The following PID1 variants were observed in gnomAD, a reference collection of about 807,000 sequenced individuals.
PID1 encodes phosphotyrosine interaction domain containing 1.
PID1 carries 10 observed loss-of-function variants against 19.1 expected under a neutral mutation model. The ratio of observed to expected loss-of-function variants is 0.52; its 90% confidence interval spans 0.32 to 0.89. The LOEUF is 0.89. Among genes scored for constraint, PID1 ranks in the 40% least tolerant of loss-of-function variants. The pLI, the probability that PID1 is intolerant of heterozygous loss-of-function variation, is 0.03. For synonymous variants in PID1, 130 were observed against 116.0 expected (o/e 1.12, Z -0.78); for missense variants, 248 against 285.3 (o/e 0.87, Z 0.94).
intron 1 of PID1, among the ~76,000 whole-genome samples, chr2:229,171,679 T>C (rs1304631673): frequency 6.6e-6 from 1 of 152,236 alleles, no homozygotes; most frequent in Non-Finnish European, 1.5e-5. Flanking sequence ...GTCTGGCACA[T>C]AGTAGCTCCT....
chr2:229,146,025 A>G (rs1386104852), intron 2 of PID1, among the ~76,000 whole-genome samples: 1 of 152,192 alleles, frequency 6.6e-6, no homozygotes, highest in Non-Finnish European at 1.5e-5. Flanking sequence ...TTAAGAAAAA[A>G]TAAACATAAC....
chr2:229,111,287 G>T (rs1695294219), intron 2 of PID1, among the ~76,000 whole-genome samples: 1 of 152,174 alleles, frequency 6.6e-6, no homozygotes, highest in South Asian at 2.1e-4. Flanking sequence ...CACAGGCAGG[G>T]GCAGAGGCAT....
intron 1 of PID1, among the ~76,000 whole-genome samples, chr2:229,242,932 G>A (rs1297161883): frequency 6.6e-6 from 1 of 152,082 alleles, no homozygotes; most frequent in East Asian, 1.9e-4. Flanking sequence ...TCACAGCTCT[G>A]TGAAGATTCT....
intron 1 of PID1, among the ~76,000 whole-genome samples, chr2:229,240,598 T>C (rs562213535): frequency 6.6e-6 from 1 of 152,134 alleles, no homozygotes; most frequent in African/African-American, 2.4e-5. Context: ...TTGCTGTGTA[T>C]ATAATGGACT....
At chr2:229,140,397 C>T (rs1689987380) in intron 2 of PID1, among the ~76,000 whole-genome samples, 1 of 151,996 alleles carries the variant, frequency 6.6e-6, no homozygotes. Flanking sequence ...TCGCTCACTG[C>T]AGTGAAGTTA....
At chr2:229,180,639 G>T (rs976480176) in intron 1 of PID1, among the ~76,000 whole-genome samples, 1 of 152,134 alleles carries the variant, frequency 6.6e-6, no homozygotes, top group African/African-American at 2.4e-5. Context: ...GGGGTGGGTT[G>T]CCCCTCCAAT....
intron 2 of PID1, among the ~76,000 whole-genome samples, chr2:229,135,797 G>C (rs930052184): frequency 6.6e-6 from 1 of 152,156 alleles, no homozygotes; most frequent in African/African-American, 2.4e-5. Flanking sequence ...GTTTAAGAGG[G>C]GAGAAGAGCA....
intron 1 of PID1, among the ~76,000 whole-genome samples, chr2:229,179,250 G>A (rs1195827316): frequency 6.6e-6 from 1 of 152,000 alleles, no homozygotes; most frequent in Admixed American, 6.6e-5. Context: ...GCCAGTCCTC[G>A]CAGACAGAGC....
At chr2:229,060,230 G>C (rs1694184343) in intron 2 of PID1, among the ~76,000 whole-genome samples, 1 of 151,928 alleles carries the variant, frequency 6.6e-6, no homozygotes, top group African/African-American at 2.4e-5. Context: ...TATTCTTCCT[G>C]TCTAACTAAA....
intron 1 of PID1, among the ~76,000 whole-genome samples, chr2:229,171,589 C>T (rs929884547): frequency 2.0e-5 from 3 of 152,156 alleles, no homozygotes; most frequent in African/African-American, 7.2e-5. Context: ...TGCAATAATT[C>T]ATACTTTCAT....
chr2:229,119,640 C>T (rs1057204269), intron 2 of PID1, among the ~76,000 whole-genome samples: 1 of 152,146 alleles, frequency 6.6e-6, no homozygotes, highest in African/African-American at 2.4e-5. Flanking sequence ...AAATCAATGG[C>T]CTTACACTAA....
At position 229,226,656 on chromosome 2, in the gene PID1, C is replaced by T. The variant is rs189785322; in HGVS notation, c.30+44358G>A. On this transcript the variant is annotated intron_variant, in intron 1 of 2. Transcript: ENST00000392055. Reference sequence around the variant, plus strand: ...GAATGTTCACCAACACCCAAGTGTACGAGGAAATCAGAGCCTGGAAGGACT... The same window carrying T: ...GAATGTTCACCAACACCCAAGTGTATGAGGAAATCAGAGCCTGGAAGGACT... Among the ~76,000 whole-genome samples, 129 of 152,256 alleles carry T rather than the reference C, an allele frequency of 8.5e-4. 3 individuals are homozygous for T. In the South Asian group the frequency reaches 0.012, roughly 14 times the overall value.
At chr2:229,090,164 T>G (rs1694843283) in intron 2 of PID1, among the ~76,000 whole-genome samples, 1 of 152,148 alleles carries the variant, frequency 6.6e-6, no homozygotes, top group Admixed American at 6.5e-5. Flanking sequence ...CACCCACCAA[T>G]CAGAACACCT....
At chr2:229,260,816 C>CTTTTTTTTTTTTTTTTTTTTT (rs1319033110) in intron 1 of PID1, among the ~76,000 whole-genome samples, 1 of 121,188 alleles carries the variant, frequency 8.3e-6, no homozygotes, top group Admixed American at 9.4e-5. Context: ...TTCTGATTGC[C>CTTTTTTTTTTTTTTTTTTTTT]ATTTTTTTTT....
At chr2:229,113,246 G>A (rs901164860) in intron 2 of PID1, among the ~76,000 whole-genome samples, 1 of 151,652 alleles carries the variant, frequency 6.6e-6, no homozygotes, top group African/African-American at 2.4e-5. Flanking sequence ...AGATGTCAAG[G>A]GCACCTTGTA....
chr2:229,256,701 G>A lies in PID1; in HGVS notation c.30+14313C>T, dbSNP rs75311343. On this transcript the variant is annotated intron_variant, in intron 1 of 2. Coordinates refer to ENST00000392055, the MANE Select transcript of PID1 (RefSeq NM_001100818.2). ...GCAAACCTCTATTATTCACATGGCT[G>A]TAAAGTTCTATGCTTTTATTCCTAG... Among the ~76,000 whole-genome samples the A allele has an allele frequency of 7.6e-3, 1,155 of 152,300 alleles. 7 individuals are homozygous for A. Among genetic ancestry groups the A allele is most frequent in the South Asian group, 0.015 (73 of 4,824 alleles).
chr2:229,072,180 AAAT>A (rs1694468570), intron 2 of PID1, among the ~76,000 whole-genome samples: 2 of 152,238 alleles, frequency 1.3e-5, no homozygotes, highest in Non-Finnish European at 2.9e-5. Flanking sequence ...TAGACTCCTA[AAAT>A]AATAATAAAT....
At chr2:229,202,446 T>C (rs558870139) in intron 1 of PID1, among the ~76,000 whole-genome samples, 26 of 152,184 alleles carry the variant, frequency 1.7e-4, no homozygotes, top group African/African-American at 6.3e-4. Flanking sequence ...AATGCCTGCT[T>C]ACCATTCCAT....
chr2:229,152,940 G>A (rs1021798693), intron 2 of PID1, among the ~76,000 whole-genome samples: 10 of 152,246 alleles, frequency 6.6e-5, no homozygotes, highest in South Asian at 4.2e-4. Flanking sequence ...GGAGGGTCCC[G>A]TGAGCTGGCC....
Sources: gnomAD v4.1 joint callset for allele counts (sites outside exome capture counted in the v4.1 genomes callset) on GRCh38, gnomAD v4.1.1 for gene constraint, MANE v1.5 for transcripts, NCBI Gene and HGNC (gene_info 2026-07-23, HGNC 2026-07-21) for gene names.